Variants in PHB1 observed in about 807,000 individuals in gnomAD.
The protein encoded by PHB1 is epididymis luminal protein 215.
At chr17:49,413,016 T>A in the PHB1 span, 3 of 595,334 alleles carry the variant, frequency 5.0e-6, no homozygotes, top group Middle Eastern at 4.5e-4. Context: ...GGGGCTCTGA[T>A]AACAATGCAG....
At chr17:49,409,547 T>G in the PHB1 span, 19 of 948,134 alleles carry the variant, frequency 2.0e-5, no homozygotes, top group South Asian at 6.2e-5. Flanking sequence ...TTTTTTGTTT[T>G]TTTTTTTTTT....
the PHB1 span, chr17:49,409,536 T>A: frequency 2.8e-6 from 3 of 1,076,292 alleles, no homozygotes. Flanking sequence ...ACAAGTGTTT[T>A]TTTTTTGTTT....
At chr17:49,409,036 T>A in the PHB1 span, 4 of 1,572,230 alleles carry the variant, frequency 2.5e-6, no homozygotes, top group Non-Finnish European at 3.5e-6. Flanking sequence ...TCCCGAAGGA[T>A]CTTACCAAGG....
At chr17:49,411,582 T>C in the PHB1 span, 1 of 1,101,750 alleles carries the variant, frequency 9.1e-7, no homozygotes, top group Non-Finnish European at 1.4e-6. Flanking sequence ...TCAAACTCTT[T>C]TGGATCCTGG....
the PHB1 span, among the ~76,000 whole-genome samples, chr17:49,406,398 T>C: frequency 6.6e-6 from 1 of 152,240 alleles, no homozygotes; most frequent in Non-Finnish European, 1.5e-5. Context: ...GCACATCTGG[T>C]GCAACGTTTG....
At chr17:49,407,321 C>G in the PHB1 span, 1 of 168,230 alleles carries the variant, frequency 5.9e-6, no homozygotes, top group African/African-American at 2.4e-5. Flanking sequence ...GATCCAAGAG[C>G]CTGATGCTCT....
At chr17:49,412,987 A>C in the PHB1 span, 2 of 554,694 alleles carry the variant, frequency 3.6e-6, no homozygotes, top group Non-Finnish European at 3.2e-6. Flanking sequence ...CTCTGAGAGA[A>C]CCTATGACTG....
At chr17:49,411,651 T>A in the PHB1 span, 1 of 1,607,284 alleles carries the variant, frequency 6.2e-7, no homozygotes, top group Non-Finnish European at 8.5e-7. Context: ...CACTCCCTAC[T>A]TTACCTGAAC....
the PHB1 span, chr17:49,406,742 T>C: frequency 1.2e-5 from 19 of 1,590,536 alleles, no homozygotes; most frequent in Middle Eastern, 1.9e-4. Flanking sequence ...GCTCCTGCCA[T>C]CTGGTCGAAG....
At chr17:49,409,539 TTTTG>T in the PHB1 span, 7 of 1,077,080 alleles carry the variant, frequency 6.5e-6, no homozygotes, top group South Asian at 3.3e-5. Context: ...AGTGTTTTTT[TTTTG>T]TTTTTTTTTT....
the PHB1 span, chr17:49,405,221 G>A: frequency 1.2e-6 from 2 of 1,607,482 alleles, no homozygotes; most frequent in South Asian, 1.1e-5. Context: ...GAATGGAGGT[G>A]GAGACAAAGA....
the PHB1 span, chr17:49,412,040 A>G: frequency 3.6e-6 from 2 of 549,346 alleles, no homozygotes; most frequent in Non-Finnish European, 3.2e-6. Context: ...CATGTCCCCA[A>G]GGATTGGTAA....
chr17:49,413,406 A>G, the PHB1 span: 1 of 643,916 alleles, frequency 1.6e-6, no homozygotes, highest in South Asian at 1.8e-5. Context: ...CATTCCTGAA[A>G]GTGCTAAATC....
the PHB1 span, among the ~76,000 whole-genome samples, chr17:49,409,689 G>A: frequency 0.064 from 9,755 of 151,570 alleles, 678 homozygotes; most frequent in African/African-American, 0.17. Flanking sequence ...TTACAGGCAC[G>A]CGCCGCCACA....
the PHB1 span, chr17:49,412,891 G>A: frequency 6.2e-6 from 2 of 323,034 alleles, no homozygotes; most frequent in African/African-American, 4.3e-5. Context: ...GCAGCATTTG[G>A]GTGGTGCGGC....
the PHB1 span, chr17:49,406,609 AT>A: frequency 1.5e-6 from 1 of 670,338 alleles, no homozygotes; most frequent in Non-Finnish European, 2.7e-6. Flanking sequence ...TCTGGAACCA[AT>A]TGCAGAAGTA....
chr17:49,405,765 CACAAACAAACAA>C, the PHB1 span, among the ~76,000 whole-genome samples: 106 of 151,310 alleles, frequency 7.0e-4, no homozygotes, highest in East Asian at 9.4e-3. Flanking sequence ...ACAGAGCTGT[CACAAACAAACAA>C]ACAAACAAAC....
At chr17:49,406,343 C>T in the PHB1 span, among the ~76,000 whole-genome samples, 3 of 152,192 alleles carry the variant, frequency 2.0e-5, no homozygotes, top group Non-Finnish European at 4.4e-5. Flanking sequence ...CATTCTTTGA[C>T]ACATCTGGAT....
At chr17:49,405,968 G>A in the PHB1 span, among the ~76,000 whole-genome samples, 1 of 152,196 alleles carries the variant, frequency 6.6e-6, no homozygotes, top group Non-Finnish European at 1.5e-5. Context: ...TGACCTTCAG[G>A]AGTGTGAGGA....
Sources: gnomAD v4.1 joint callset for allele counts (sites outside exome capture counted in the v4.1 genomes callset) on GRCh38, gnomAD v4.1.1 for gene constraint, MANE v1.5 for transcripts, NCBI Gene and HGNC (gene_info 2026-07-23, HGNC 2026-07-21) for gene names.